Variants in GYPB observed in about 807,000 individuals in gnomAD.
The protein encoded by GYPB is glycophorin-B.
Under a neutral mutation model 15.3 loss-of-function variants are expected in GYPB, and 13 were observed. The observed-to-expected ratio is 0.85, with a 90% confidence interval of 0.55 to 1.35. The LOEUF (loss-of-function observed/expected upper bound fraction) is 1.35, where lower values mean the gene tolerates loss of function less well. Among genes scored for constraint, GYPB ranks in the 40% most tolerant of loss-of-function variants. The pLI is 0.00. For synonymous variants in GYPB, 38 were observed against 36.9 expected (o/e 1.03, Z -0.11); for missense variants, 131 against 108.3 (o/e 1.21, Z -0.93).
intron 1 of GYPB, among the ~76,000 whole-genome samples, chr4:144,011,646 G>C (rs893295956): frequency 2.0e-5 from 3 of 151,200 alleles, no homozygotes; most frequent in Non-Finnish European, 4.4e-5. Context: ...GATAGATCAA[G>C]AAAGCAAAAA....
Position 144,010,960 on chromosome 4 carries a change from A to G in GYPB, c.37+8291T>C, listed in dbSNP as rs778841517. On this transcript the variant is annotated intron_variant, in intron 1 of 4. Coordinates refer to ENST00000502664, the MANE Select transcript of GYPB (RefSeq NM_002100.6). Reference sequence around the variant, plus strand: ...TATATATATCAAAAGAGCAGAAACAAGGAATCATATAATAAAATATGAAAT... The same window carrying G: ...TATATATATCAAAAGAGCAGAAACAGGGAATCATATAATAAAATATGAAAT... Among the ~76,000 whole-genome samples, 48 of 151,638 alleles carry G rather than the reference A, an allele frequency of 3.2e-4. 1 individual carries two copies. The highest frequency in any genetic ancestry group is 6.2e-4 in the Non-Finnish European group (42 of 68,028).
chr4:143,995,255 A>C (rs1727267668), downstream of GYPB, among the ~76,000 whole-genome samples: 1 of 151,492 alleles, frequency 6.6e-6, no homozygotes, highest in Non-Finnish European at 1.5e-5. Flanking sequence ...CATTCAAAGC[A>C]GTCACCTGGA....
intron 3 of GYPB, among the ~76,000 whole-genome samples, chr4:143,997,925 G>A (rs960540749): frequency 1.3e-4 from 19 of 151,278 alleles, no homozygotes; most frequent in Non-Finnish European, 2.2e-4. Flanking sequence ...TAGTGTAACT[G>A]TAGATAAGAA....
intron 2 of GYPB, chr4:144,000,165 T>C (rs1282132381): frequency 6.1e-6 from 1 of 163,240 alleles, no homozygotes; most frequent in Non-Finnish European, 1.3e-5. Flanking sequence ...TTCAGGTATA[T>C]TTTTTCATTC....
chr4:144,007,376 T>G (rs1389684944), intron 1 of GYPB, among the ~76,000 whole-genome samples: 1 of 151,934 alleles, frequency 6.6e-6, no homozygotes, highest in Non-Finnish European at 1.5e-5. Context: ...TACAACTAAT[T>G]GGTAACACTT....
chr4:144,005,024 C>T (rs1443066313), intron 1 of GYPB, among the ~76,000 whole-genome samples: 1 of 151,950 alleles, frequency 6.6e-6, no homozygotes, highest in Non-Finnish European at 1.5e-5. Context: ...ATTTTTATCT[C>T]TTTGCCTTTG....
chr4:143,996,762 ACT>A (rs1727333903), intron 4 of GYPB, among the ~76,000 whole-genome samples: 2 of 134,166 alleles, frequency 1.5e-5, no homozygotes, highest in African/African-American at 6.0e-5. Flanking sequence ...ACAGAGGGAA[ACT>A]CTGTCTCAAA....
At chr4:144,015,874 C>A (rs1290729941) in intron 1 of GYPB, among the ~76,000 whole-genome samples, 1 of 150,974 alleles carries the variant, frequency 6.6e-6, no homozygotes, top group Non-Finnish European at 1.5e-5. Context: ...TGAATAGACA[C>A]AGGAAAACTG....
intron 1 of GYPB, among the ~76,000 whole-genome samples, chr4:144,011,386 A>G (rs1013782791): frequency 1.3e-5 from 2 of 151,392 alleles, no homozygotes; most frequent in African/African-American, 4.9e-5. Context: ...TCTTCAAAAT[A>G]AAGCAATAAA....
At chr4:144,002,781 T>C (rs1579053065) in intron 1 of GYPB, 1 of 850,048 alleles carries the variant, frequency 1.2e-6, no homozygotes, top group Non-Finnish European at 1.7e-6. Context: ...CCTTTCTCTA[T>C]TTATCAGCTG....
At chr4:143,995,421 T>G (rs1185045277), downstream of GYPB, among the ~76,000 whole-genome samples, 3 of 151,330 alleles carry the variant, frequency 2.0e-5, no homozygotes, top group Non-Finnish European at 2.9e-5. Context: ...CAGACACTCC[T>G]TCTGACTCCA....
intron 1 of GYPB, among the ~76,000 whole-genome samples, chr4:144,006,800 C>A (rs1280133451): frequency 6.6e-6 from 1 of 151,754 alleles, no homozygotes; most frequent in South Asian, 2.1e-4. Context: ...ATGAAAACTA[C>A]TTGATAAATG....
At chr4:144,006,283 C>T (rs184028910) in intron 1 of GYPB, among the ~76,000 whole-genome samples, 3 of 152,048 alleles carry the variant, frequency 2.0e-5, no homozygotes, top group Admixed American at 1.3e-4. Flanking sequence ...ACTTGTATAA[C>T]ATCGGATATG....
Position 144,013,524 on chromosome 4 carries a change from G to A in GYPB, c.37+5727C>T, listed in dbSNP as rs780421515. 4.0e-5 allele frequency among the ~76,000 whole-genome samples: 6 copies of A among 151,312 alleles called. No homozygotes were observed. In the Middle Eastern group the frequency reaches 0.014, roughly 343 times the overall value. The stretch of plus-strand genomic sequence containing the variant: ...GCAGAGACTTGGAACCAACCCAAAT[G>A]TCCATCAATGATAGACTGGATTAAG... On this transcript the variant is annotated intron_variant, in intron 1 of 4. Coordinates refer to ENST00000502664, the MANE Select transcript of GYPB (RefSeq NM_002100.6).
rs771002090 is a variant in GYPB, at chr4:144,019,256, A to G, written c.32T>C (p.Leu11Ser). The G allele has an allele frequency of 2.2e-5, 36 of 1,611,478 alleles. 2 individuals are homozygous for G. The African/African-American group carries it at 3.1e-4, about 14-fold the overall frequency. MYGKIIFVLLLSEIVSISALS... is the reference protein window; with the variant it reads MYGKIIFVLLSSEIVSISALS... ...GATGAAATAAAATCACTTACCTGAC[A>G]ATAGTAATACAAAGATTATTTTTCC... is the stretch of plus-strand genomic sequence containing the variant. The change falls in exon 1 of 5, where the codon TTG becomes TCG. Residue 11 changes from leucine to serine, a missense_variant. By Grantham distance (145) the Leu-to-Ser change is moderately radical. Coordinates refer to ENST00000502664, the MANE Select transcript of GYPB (RefSeq NM_002100.6).
chr4:144,004,750 A>G (rs1727806661), intron 1 of GYPB, among the ~76,000 whole-genome samples: 1 of 151,852 alleles, frequency 6.6e-6, no homozygotes. Context: ...ACATTTGATA[A>G]CAACAGCTCA....
chr4:144,000,385 T>C, intron 2 of GYPB: 4 of 985,638 alleles, frequency 4.1e-6, no homozygotes, highest in East Asian at 6.9e-5. Flanking sequence ...GAACATAACG[T>C]TTTTCTTTTC....
intron 3 of GYPB, 85 bp from the exon 4 acceptor site, chr4:143,997,719 A>C: frequency 1.3e-6 from 1 of 745,524 alleles, no homozygotes; most frequent in Non-Finnish European, 2.5e-6. Context: ...TCAGCATAAC[A>C]TCACCTTGCC....
intron 1 of GYPB, among the ~76,000 whole-genome samples, chr4:144,013,872 G>A (rs1399254298): frequency 1.3e-5 from 2 of 150,840 alleles, no homozygotes; most frequent in Non-Finnish European, 2.9e-5. Context: ...GTATACATAT[G>A]TAACCTGCAC....
Sources: gnomAD v4.1 joint callset for allele counts (sites outside exome capture counted in the v4.1 genomes callset) on GRCh38, gnomAD v4.1.1 for gene constraint, MANE v1.5 for transcripts, NCBI Gene and HGNC (gene_info 2026-07-23, HGNC 2026-07-21) for gene names.